Variants in ROBO2 observed in about 807,000 individuals in gnomAD.
ROBO2 encodes roundabout guidance receptor 2, also known as roundabout homolog 2.
In ROBO2, 53 loss-of-function variants were observed where a neutral mutation model predicts 160.8. The observed-to-expected ratio is 0.33, with a 90% confidence interval of 0.26 to 0.41. ROBO2 has a LOEUF of 0.41. Among genes scored for constraint, ROBO2 ranks in the 10% least tolerant of loss-of-function variants. ROBO2 has a pLI of 1.00. For synonymous variants in ROBO2, 664 were observed against 611.7 expected, an observed-to-expected ratio of 1.09 and a Z score of -1.26; for missense variants, 1,577 against 1,722.4, an observed-to-expected ratio of 0.92 and a Z score of 1.49.
intron 2 of ROBO2, among the ~76,000 whole-genome samples, chr3:76,287,277 C>CCTTT (rs1708548839): frequency 1.3e-5 from 2 of 151,256 alleles, no homozygotes; most frequent in Admixed American, 1.3e-4. Flanking sequence ...TTCAGTGCTT[C>CCTTT]CTTTCTTTCT....
intron 2 of ROBO2, among the ~76,000 whole-genome samples, chr3:76,602,403 G>T (rs1193600504): frequency 6.6e-6 from 1 of 152,112 alleles, no homozygotes; most frequent in Non-Finnish European, 1.5e-5. Flanking sequence ...TCGTTTTCAT[G>T]CTGCTGATAA....
intron 2 of ROBO2, among the ~76,000 whole-genome samples, chr3:76,509,261 G>C (rs2080955977): frequency 6.6e-6 from 1 of 152,130 alleles, no homozygotes; most frequent in Non-Finnish European, 1.5e-5. Context: ...CACTCTCTGA[G>C]AAAGAAGATA....
chr3:76,721,802 G>C (rs976310401), intron 2 of ROBO2, among the ~76,000 whole-genome samples: 5 of 152,168 alleles, frequency 3.3e-5, no homozygotes, highest in Non-Finnish European at 7.3e-5. Flanking sequence ...TAACAATCCA[G>C]GAAAATTAGG....
intron 2 of ROBO2, among the ~76,000 whole-genome samples, chr3:76,773,911 T>C (rs571517119): frequency 2.8e-4 from 42 of 150,948 alleles, no homozygotes; most frequent in African/African-American, 9.9e-4. Context: ...AAATTACCAT[T>C]TGAGGAACTG....
At chr3:76,192,117 C>T (rs1370397079) in intron 2 of ROBO2, among the ~76,000 whole-genome samples, 1 of 151,950 alleles carries the variant, frequency 6.6e-6, no homozygotes, top group Non-Finnish European at 1.5e-5. Context: ...CTTCGATTGG[C>T]TTACAAATCC....
chr3:77,115,439 T>C (rs562529876), intron 2 of ROBO2, among the ~76,000 whole-genome samples: 4 of 152,308 alleles, frequency 2.6e-5, no homozygotes, highest in African/African-American at 4.8e-5. Context: ...GTGCTAAATA[T>C]TTTATAACAC....
intron 2 of ROBO2, among the ~76,000 whole-genome samples, chr3:77,407,582 G>A (rs1400191321): frequency 3.3e-5 from 5 of 152,140 alleles, no homozygotes; most frequent in Admixed American, 3.3e-4. Context: ...CTGGCCTAAG[G>A]TTTCTCCATC....
At chr3:77,124,542 A>G (rs1335907183) in intron 2 of ROBO2, among the ~76,000 whole-genome samples, 4 of 152,178 alleles carry the variant, frequency 2.6e-5, no homozygotes, top group Non-Finnish European at 5.9e-5. Flanking sequence ...GAAAATGGAC[A>G]TGACACAATG....
exon 19 of ROBO2, chr3:77,596,705 A>C (rs1237107010): frequency 1.2e-6 from 2 of 1,613,812 alleles, no homozygotes; most frequent in Non-Finnish European, 1.7e-6. Context: ...GCCAGTAAAT[A>C]ATAGCAACAG....
chr3:76,633,918 T>C (rs980679937), intron 2 of ROBO2, among the ~76,000 whole-genome samples: 2 of 152,252 alleles, frequency 1.3e-5, no homozygotes, highest in South Asian at 4.1e-4. Flanking sequence ...TGACTGAGAG[T>C]CAACTCATCA....
chr3:77,319,466 G>GAC (rs1455739215), intron 2 of ROBO2, among the ~76,000 whole-genome samples: 4 of 152,104 alleles, frequency 2.6e-5, no homozygotes, highest in Non-Finnish European at 5.9e-5. Context: ...CATGCTGATT[G>GAC]ACAGAACAAC....
intron 2 of ROBO2, among the ~76,000 whole-genome samples, chr3:76,758,329 G>A (rs553837567): frequency 6.6e-6 from 1 of 151,746 alleles, no homozygotes; most frequent in Non-Finnish European, 1.5e-5. Context: ...AGACAAGCTT[G>A]CCTGTACTAA....
intron 2 of ROBO2, among the ~76,000 whole-genome samples, chr3:76,482,153 A>G (rs1383865047): frequency 6.6e-6 from 1 of 152,142 alleles, no homozygotes; most frequent in African/African-American, 2.4e-5. Flanking sequence ...AATAGCCAAC[A>G]TAGAATCACG....
intron 5 of ROBO2, among the ~76,000 whole-genome samples, chr3:77,501,570 T>A (rs2087613717): frequency 1.3e-5 from 2 of 152,222 alleles, no homozygotes. Flanking sequence ...ATGTAACATG[T>A]CTGAGTACCA....
chr3:76,977,648 A>C, intron 2 of ROBO2, among the ~76,000 whole-genome samples: 1 of 152,246 alleles, frequency 6.6e-6, no homozygotes, highest in Non-Finnish European at 1.5e-5. Context: ...TCATTATTAA[A>C]CTTCTGATAA....
chr3:76,308,203 C>G (rs952138259), intron 2 of ROBO2, among the ~76,000 whole-genome samples: 6 of 151,720 alleles, frequency 4.0e-5, no homozygotes, highest in African/African-American at 1.5e-4. Flanking sequence ...ATGGTGAAAC[C>G]TCGTCACTAC....
chr3:76,128,399 G>A (rs1211766255), intron 2 of ROBO2, among the ~76,000 whole-genome samples: 1 of 152,074 alleles, frequency 6.6e-6, no homozygotes, highest in East Asian at 1.9e-4. Context: ...CTAGTCTTTC[G>A]AGGAGGAGCA....
chr3:76,172,591 C>T lies in ROBO2; in HGVS notation c.109+234989C>T, dbSNP rs920715084. ...AGATTCTCAAACTTAATATTCTAAA[C>T]GTTCACTATACAATCCAAAATTACC... On this transcript the variant is annotated intron_variant, in intron 2 of 26. Transcript: ENST00000487694. Among the ~76,000 whole-genome samples, 11 of 152,066 alleles carry T rather than the reference C, an allele frequency of 7.2e-5. 1 individual carries two copies. In the Middle Eastern group the frequency reaches 0.01, roughly 142 times the overall value.
At chr3:76,880,731 G>A (rs2073250364) in intron 2 of ROBO2, among the ~76,000 whole-genome samples, 2 of 152,024 alleles carry the variant, frequency 1.3e-5, no homozygotes, top group Non-Finnish European at 2.9e-5. Flanking sequence ...TTTGTTAAAT[G>A]GAGTAAAAGG....
Sources: gnomAD v4.1 joint callset for allele counts (sites outside exome capture counted in the v4.1 genomes callset) on GRCh38, gnomAD v4.1.1 for gene constraint, MANE v1.5 for transcripts, NCBI Gene and HGNC (gene_info 2026-07-23, HGNC 2026-07-21) for gene names.